Variants in SMG1 observed in about 807,000 individuals in gnomAD.
SMG1 encodes the protein SMG1 nonsense mediated mRNA decay associated PI3K related kinase, also known as serine/threonine-protein kinase SMG1.
SMG1 carries 22 observed loss-of-function variants against 419.9 expected under a neutral mutation model. The observed-to-expected ratio is 0.05, with a 90% CI of 0.04 to 0.07. The LOEUF is 0.07. Among genes scored for constraint, SMG1 ranks in the 10% least tolerant of loss-of-function variants. The pLI is 1.00. For missense variants in SMG1, 3,185 were observed against 4,342.0 expected (o/e 0.73, Z 7.49); for synonymous variants, 1,538 against 1,553.5 (o/e 0.99, Z 0.23).
At chr16:18,897,650 T>C (rs1221239722) in intron 1 of SMG1, among the ~76,000 whole-genome samples, 3 of 148,870 alleles carry the variant, frequency 2.0e-5, no homozygotes, top group Admixed American at 2.0e-4. Flanking sequence ...TAATACCTGA[T>C]GCTTATTAGT....
At chr16:18,901,833 G>A (rs1484630353) in intron 1 of SMG1, among the ~76,000 whole-genome samples, 9 of 151,728 alleles carry the variant, frequency 5.9e-5, no homozygotes, top group Non-Finnish European at 1.0e-4. Flanking sequence ...AATTAGCCAG[G>A]CATGGTGACG....
intron 25 of SMG1, among the ~76,000 whole-genome samples, chr16:18,862,066 A>G (rs1485955579): frequency 5.9e-5 from 9 of 152,168 alleles, no homozygotes; most frequent in African/African-American, 1.9e-4. Context: ...CCTCGACTTC[A>G]AGAAAAACTC....
At position 18,853,592 on chromosome 16, in the gene SMG1, C is replaced by G; in HGVS notation, c.4759G>C (p.Glu1587Gln). The change falls in exon 31 of 63, where the codon GAA becomes CAA. Residue 1587 changes from glutamate to glutamine, a missense_variant. Transcript: ENST00000446231. ...MEEEYPRIES[E>Q]STVHIGVGEP... The stretch of plus-strand genomic sequence containing the variant: ...AATAAAGCAACTCTACCTGTAGATT[C>G]ACTCTCGATCCGAGGATACTCTTCT... 6.3e-7 allele frequency: 1 copy of G among 1,591,500 alleles called. No individual in the cohort carries two copies. Among genetic ancestry groups the G allele is most frequent in the Non-Finnish European group, 8.6e-7 (1 of 1,167,736 alleles).
At chr16:18,893,949 C>T (rs184092737) in intron 3 of SMG1, among the ~76,000 whole-genome samples, 1 of 151,820 alleles carries the variant, frequency 6.6e-6, no homozygotes, top group Admixed American at 6.6e-5. Flanking sequence ...CCCAGCTACT[C>T]GGGAGGCTGA....
chr16:18,907,831 G>A (rs1213473015), intron 1 of SMG1, among the ~76,000 whole-genome samples: 2 of 101,404 alleles, frequency 2.0e-5, no homozygotes, highest in African/African-American at 4.0e-5. Flanking sequence ...CCACCTAGGC[G>A]ACAGAACGAG....
chr16:18,842,112 G>C (rs756258889), intron 40 of SMG1, 96 bp downstream of exon 40: 1 of 1,317,452 alleles, frequency 7.6e-7, no homozygotes. Context: ...ACAGAAATTC[G>C]CCTGAAATAA....
intron 1 of SMG1, chr16:18,900,132 G>A (rs1229800435): frequency 1.5e-6 from 1 of 684,892 alleles, no homozygotes; most frequent in Non-Finnish European, 2.5e-6. Flanking sequence ...TCATGAGTTA[G>A]GTGCCTTTAG....
chr16:18,887,517 T>TTTG (rs1491342520), intron 6 of SMG1, among the ~76,000 whole-genome samples: 1 of 38,366 alleles, frequency 2.6e-5, no homozygotes, highest in Non-Finnish European at 6.2e-5. Flanking sequence ...TTTTTTTTCC[T>TTTG]TTTTTTTTTT....
chr16:18,892,437 AAAT>A, intron 3 of SMG1, 83 bp from the exon 4 acceptor site: 1 of 1,111,954 alleles, frequency 9.0e-7, no homozygotes, highest in Non-Finnish European at 1.3e-6. Context: ...AAAATTATTT[AAAT>A]AATAACTAAA....
At position 18,836,043 on chromosome 16, in the gene SMG1, C is replaced by A; in HGVS notation, c.7947G>T (p.Leu2649=). ...TCTGAAATATGGCCTTCGGATACTGCAGGGCCACGGTTGCATAGTGATGCA... is the reference window on the plus strand; with the variant it reads ...TCTGAAATATGGCCTTCGGATACTGAAGGGCCACGGTTGCATAGTGATGCA... The part of the protein sequence containing the change: ...EQLHHYATVA[L]QYPKAIFQKH... The change falls in exon 48 of 63, where the codon CTG becomes CTT. Residue 2649 remains leucine (L), a synonymous_variant. Coordinates refer to ENST00000446231, the MANE Select transcript of SMG1 (RefSeq NM_015092.5). 6.3e-7 allele frequency: 1 copy of A among 1,594,382 alleles called. No individual in the cohort carries two copies. Among genetic ancestry groups the A allele is most frequent in the South Asian group, 1.1e-5 (1 of 87,808 alleles).
rs1411116519 is a variant in SMG1 at position 18,817,281 on chromosome 16, C to T, written c.10074+10G>A. 2 of 1,595,622 alleles carry T rather than the reference C, an allele frequency of 1.3e-6. No homozygotes were observed. Among genetic ancestry groups the T allele is most frequent in the South Asian group, 1.1e-5 (1 of 87,792 alleles). On this transcript the variant is annotated intron_variant, in intron 57 of 62. Coordinates refer to ENST00000446231, the MANE Select transcript of SMG1 (RefSeq NM_015092.5). ...CTTATTTAATCAAGTTTCTTTCCACCAAGACTCACCACTCTCTGTAATAAA... is the reference window on the plus strand; with the variant it reads ...CTTATTTAATCAAGTTTCTTTCCACTAAGACTCACCACTCTCTGTAATAAA...
At position 18,866,437 on chromosome 16, in the gene SMG1, C is replaced by T. The variant is rs1027719985; in HGVS notation, c.3350+184G>A. The T allele has an allele frequency of 1.2e-4, 77 of 623,430 alleles. No individual in the cohort carries two copies. In the Admixed American group the frequency reaches 2.1e-3, roughly 17 times the overall value. 38.6% of individuals were successfully genotyped at this position (623,430 alleles called of 1,614,324 possible). Reference sequence around the variant, plus strand: ...GCCACTAATTCTTCAGTAAGAAAGGCACTCAAGTATTGCTGCTAACTAAAG... The same window carrying T: ...GCCACTAATTCTTCAGTAAGAAAGGTACTCAAGTATTGCTGCTAACTAAAG... On this transcript the variant is annotated intron_variant, in intron 23 of 62. Transcript: ENST00000446231.
At chr16:18,887,633 A>G (rs1249944972) in intron 6 of SMG1, among the ~76,000 whole-genome samples, 2 of 130,110 alleles carry the variant, frequency 1.5e-5, no homozygotes, top group Admixed American at 8.4e-5. Context: ...GGGTTACAGG[A>G]GTGAGCCACC....
rs1240474968 is a variant in SMG1 at position 18,821,208 on chromosome 16, A to C, written c.9742-1554T>G. On this transcript the variant is annotated intron_variant, in intron 55 of 62. Transcript: ENST00000446231. ...ATCAAATTCATTAAAAACCTGAGAT[A>C]TTTAGTATGTTTCTTTTTTTTTTTT... 3.5e-5 allele frequency among the ~76,000 whole-genome samples: 4 copies of C among 113,456 alleles called. No individual in the cohort carries two copies. In the Admixed American group the frequency reaches 3.7e-4, roughly 10 times the overall value. 74.4% of individuals were successfully genotyped at this position (113,456 alleles called of 152,430 possible).
intron 33 of SMG1, among the ~76,000 whole-genome samples, chr16:18,851,045 G>A (rs9934073): frequency 0.07 from 10,640 of 152,124 alleles, 378 homozygotes; most frequent in African/African-American, 0.094. Context: ...GTGAGCCACC[G>A]CACCCAGCCT....
chr16:18,845,691 T>C (rs751129283), intron 38 of SMG1, 40 bp from the exon 39 acceptor site: 9 of 1,481,912 alleles, frequency 6.1e-6, no homozygotes, highest in African/African-American at 1.4e-5. Context: ...CTTAAATGTG[T>C]ACATTAAAGT....
Position 18,839,708 on chromosome 16 carries a change from C to T in SMG1, c.6935G>A (p.Arg2312Lys). ...AAACAAAGCACATACCTGCGTAACT[C>T]TCCACCATTCATCAGGTGTTGTGCA... Reference protein sequence around the residue: ...SSCTTPDEWWRVTQSYARSTA... With the variant: ...SSCTTPDEWWKVTQSYARSTA... Residue 2312 changes from arginine (R) to lysine (K), a missense_variant, in exon 42 of 63, where the codon AGA (arginine) becomes AAA (lysine). By Grantham distance (26) the Arg-to-Lys change is conservative (BLOSUM62 2). Around this residue, in one of 27 missense-constraint regions of SMG1, gnomAD observed 132 missense variants for 151.0 expected, o/e 0.87. Transcript: ENST00000446231. 6.2e-7 allele frequency: 1 copy of T among 1,614,038 alleles called. No individual in the cohort carries two copies. The highest frequency in any genetic ancestry group is 8.5e-7 in the Non-Finnish European group (1 of 1,179,898).
chr16:18,811,036 G>T (rs1313859403), intron 62 of SMG1, among the ~76,000 whole-genome samples: 1 of 152,096 alleles, frequency 6.6e-6, no homozygotes, highest in Non-Finnish European at 1.5e-5. Flanking sequence ...AAAAATTTCA[G>T]AATAATGACT....
At chr16:18,842,070 A>C in intron 40 of SMG1, 138 bp downstream of exon 40, 1 of 974,204 alleles carries the variant, frequency 1.0e-6, no homozygotes, top group Admixed American at 2.8e-5. Flanking sequence ...AAAGCACATA[A>C]GATATAGGGC....
Sources: gnomAD v4.1 joint callset for allele counts (sites outside exome capture counted in the v4.1 genomes callset) on GRCh38, gnomAD v4.1.1 for gene constraint, gnomAD v4.1.1 regional missense constraint, MANE v1.5 for transcripts, NCBI Gene and HGNC (gene_info 2026-07-23, HGNC 2026-07-21) for gene names.